The following PLCXD2 variants were observed in gnomAD, a reference collection of about 807,000 sequenced individuals.
The protein encoded by PLCXD2 is phosphatidylinositol specific phospholipase C X domain containing 2, also known as PI-PLC X domain-containing protein 2.
A neutral mutation model predicts 28.6 loss-of-function variants in PLCXD2; 21 were observed. The observed-to-expected ratio is 0.73, with a 90% CI of 0.52 to 1.06. The LOEUF is 1.06. Among genes scored for constraint, PLCXD2 ranks in the 50% least tolerant of loss-of-function variants. The pLI is 0.00. For missense variants in PLCXD2, 369 were observed against 376.7 expected, an observed-to-expected ratio of 0.98 and a Z score of 0.17; for synonymous variants, 140 against 150.1, an observed-to-expected ratio of 0.93 and a Z score of 0.49.
At chr3:111,694,915 G>A (rs1258551475) in intron 1 of PLCXD2, among the ~76,000 whole-genome samples, 1 of 152,148 alleles carries the variant, frequency 6.6e-6, no homozygotes, top group East Asian at 1.9e-4. Flanking sequence ...TGTATTGCCT[G>A]TATGCATATT....
intron 2 of PLCXD2, among the ~76,000 whole-genome samples, chr3:111,711,576 A>G (rs1011542893): frequency 6.6e-6 from 1 of 152,228 alleles, no homozygotes; most frequent in Non-Finnish European, 1.5e-5. Context: ...AGTTGAAAGA[A>G]GTATGCTACC....
chr3:111,696,563 C>A (rs1940964607), intron 1 of PLCXD2, among the ~76,000 whole-genome samples: 1 of 152,032 alleles, frequency 6.6e-6, no homozygotes, highest in African/African-American at 2.4e-5. Context: ...TGCAAGCTGC[C>A]TGCATTACTC....
chr3:111,688,120 CTGTT>C (rs1232586599), intron 1 of PLCXD2, among the ~76,000 whole-genome samples: 1 of 152,192 alleles, frequency 6.6e-6, no homozygotes, highest in African/African-American at 2.4e-5. Context: ...ACCCCTCTGT[CTGTT>C]AGTTTTTTCA....
intron 1 of PLCXD2, among the ~76,000 whole-genome samples, chr3:111,690,502 C>G (rs1345393490): frequency 5.3e-5 from 8 of 152,176 alleles, no homozygotes; most frequent in Admixed American, 5.2e-4. Context: ...TCTATCTGGC[C>G]TCTATTCTGC....
intron 1 of PLCXD2, among the ~76,000 whole-genome samples, chr3:111,688,040 T>C (rs1171462752): frequency 6.6e-6 from 1 of 152,234 alleles, no homozygotes; most frequent in Non-Finnish European, 1.5e-5. Context: ...AAAAAGTAGT[T>C]CAGAGTGTAG....
chr3:111,724,392 A>G (rs1339359350), intron 3 of PLCXD2: 1 of 152,168 alleles, frequency 6.6e-6, no homozygotes, highest in African/African-American at 2.4e-5. Context: ...AGCCCAGGTA[A>G]TGATCCATCT....
chr3:111,683,269 A>G (rs1487801748), intron 1 of PLCXD2, among the ~76,000 whole-genome samples: 2 of 152,188 alleles, frequency 1.3e-5, no homozygotes, highest in African/African-American at 4.8e-5. Flanking sequence ...GGAGTCAGAC[A>G]GCATGGTGAC....
intron 3 of PLCXD2, chr3:111,725,977 T>C: frequency 2.5e-6 from 1 of 397,868 alleles, no homozygotes; most frequent in East Asian, 3.6e-5. Context: ...TCCAATACAC[T>C]CTTATCACAG....
At chr3:111,693,426 C>T (rs1398747) in intron 1 of PLCXD2, among the ~76,000 whole-genome samples, 66,857 of 152,146 alleles carry the variant, frequency 0.44, 17,715 homozygotes, top group Non-Finnish European at 0.58. Context: ...CAACGTGAAG[C>T]TTAAGCTAGA....
chr3:111,689,835 G>T (rs933219030), intron 1 of PLCXD2, among the ~76,000 whole-genome samples: 1 of 152,178 alleles, frequency 6.6e-6, no homozygotes, highest in Non-Finnish European at 1.5e-5. Flanking sequence ...AACGCCTAAG[G>T]TAAGACAAAA....
chr3:111,690,255 A>C (rs1940854520), intron 1 of PLCXD2, among the ~76,000 whole-genome samples: 1 of 152,206 alleles, frequency 6.6e-6, no homozygotes, highest in African/African-American at 2.4e-5. Flanking sequence ...AATAAAGGGT[A>C]ATTTTCTTTT....
intron 2 of PLCXD2, among the ~76,000 whole-genome samples, chr3:111,712,808 C>T (rs1941219481): frequency 6.6e-6 from 1 of 152,204 alleles, no homozygotes; most frequent in South Asian, 2.1e-4. Flanking sequence ...ATTACTAGTG[C>T]CTGGGACAGG....
At chr3:111,708,519 T>C (rs769531667) in intron 2 of PLCXD2, 133 bp downstream of exon 2, 2 of 844,424 alleles carry the variant, frequency 2.4e-6, no homozygotes, top group East Asian at 2.7e-5. Context: ...ATATTAAACA[T>C]ATGCAAACTA....
chr3:111,699,839 T>C lies in PLCXD2; in HGVS notation c.164-8087T>C, dbSNP rs538308545. Among the ~76,000 whole-genome samples the C allele has an allele frequency of 4.6e-5, 7 of 152,176 alleles. No individual in the cohort carries two copies. The South Asian group carries it at 1.5e-3, about 32-fold the overall frequency. ...ATTTTTCTTCTTCACAAACAAGCTG[T>C]GGTTATTTAATTGGTTAAAGGGCAG... is the stretch of plus-strand genomic sequence containing the variant. On this transcript the variant is annotated intron_variant, in intron 1 of 4. Transcript: ENST00000477665.
rs116652371 is a variant in PLCXD2, at chr3:111,700,851, G to T, written c.164-7075G>T. 9.5e-3 allele frequency among the ~76,000 whole-genome samples: 1,445 copies of T among 152,048 alleles called. 18 individuals are homozygous for T. Among genetic ancestry groups the T allele is most frequent in the South Asian group, 0.017 (80 of 4,798 alleles). On this transcript the variant is annotated intron_variant, in intron 1 of 4. Transcript: ENST00000477665. ...CAGACTGTGTAGGGCGGGGCGGGGG[G>T]TCAGGGGCAGAATATAAAAGTCAGG...
At chr3:111,700,636 A>C (rs964834572) in intron 1 of PLCXD2, among the ~76,000 whole-genome samples, 1 of 152,212 alleles carries the variant, frequency 6.6e-6, no homozygotes, top group Non-Finnish European at 1.5e-5. Context: ...TGTTAGTAAA[A>C]AGGTGTGTTA....
At chr3:111,703,416 GCA>G (rs1419987363) in intron 1 of PLCXD2, among the ~76,000 whole-genome samples, 1 of 152,154 alleles carries the variant, frequency 6.6e-6, no homozygotes, top group Admixed American at 6.5e-5. Flanking sequence ...TCACATTTCT[GCA>G]CAGTCCTCAG....
At chr3:111,675,807 GA>G (rs34551569) in intron 1 of PLCXD2, among the ~76,000 whole-genome samples, 17 of 152,272 alleles carry the variant, frequency 1.1e-4, no homozygotes, top group African/African-American at 4.1e-4. Context: ...AATTAAAACT[GA>G]AAAATATTTT....
In PLCXD2 at chr3:111,677,286, C is replaced by T. The variant is rs1308720443; in HGVS notation, c.163+1878C>T. 3 of 152,290 alleles carry T rather than the reference C, an allele frequency of 2.0e-5. No individual in the cohort carries two copies. In the East Asian group the frequency reaches 5.8e-4, roughly 29 times the overall value. 9.4% of individuals were successfully genotyped at this position (152,290 alleles called of 1,614,324 possible). On this transcript the variant is annotated intron_variant, in intron 1 of 4. Coordinates refer to ENST00000477665, the MANE Select transcript of PLCXD2 (RefSeq NM_001185106.1). ...GGAAAATTACATATTAAATGCTAGC[C>T]ATTCATGGACTTCCCCCTACTAGTT...
Sources: allele counts gnomAD v4.1 joint callset (sites outside exome capture counted in the v4.1 genomes callset), GRCh38; gene constraint gnomAD v4.1.1; transcripts MANE v1.5; gene names NCBI Gene and HGNC (gene_info 2026-07-23, HGNC 2026-07-21).